VKORC1L1: variants seen among roughly 807,000 people sequenced by gnomAD.
VKORC1L1 encodes the protein vitamin K epoxide reductase complex subunit 1-like protein 1.
Under a neutral mutation model 18.9 loss-of-function variants are expected in VKORC1L1, and 2 were observed. That is an observed-to-expected ratio of 0.11 (90% CI 0.04 to 0.33). The LOEUF (loss-of-function observed/expected upper bound fraction) is 0.33, where lower values mean the gene tolerates loss of function less well. VKORC1L1 is among the 10% of genes least tolerant of loss of function. The pLI is 1.00. For missense variants in VKORC1L1, 123 were observed against 224.1 expected (o/e 0.55, Z 2.88); for synonymous variants, 96 against 100.0 (o/e 0.96, Z 0.24).
chr7:65,869,057 G>A (rs1293031937), upstream of VKORC1L1, among the ~76,000 whole-genome samples: 2 of 152,194 alleles, frequency 1.3e-5, no homozygotes, highest in African/African-American at 4.8e-5. Context: ...GCTCACACCT[G>A]TAATCCCAGC....
intron 1 of VKORC1L1, among the ~76,000 whole-genome samples, chr7:65,906,762 A>G (rs1328953730): frequency 3.9e-5 from 6 of 152,160 alleles, no homozygotes; most frequent in African/African-American, 1.4e-4. Context: ...GAGATCCATA[A>G]TTCATGGTTG....
chr7:65,875,903 G>T (rs1788819572), intron 1 of VKORC1L1, among the ~76,000 whole-genome samples: 1 of 152,164 alleles, frequency 6.6e-6, no homozygotes, highest in South Asian at 2.1e-4. Context: ...GAGTCAGCAC[G>T]TGGTTTTGGA....
intron 1 of VKORC1L1, among the ~76,000 whole-genome samples, chr7:65,933,794 T>C (rs1246245818): frequency 6.6e-6 from 1 of 152,196 alleles, no homozygotes; most frequent in African/African-American, 2.4e-5. Flanking sequence ...ATTTTATCTA[T>C]TGACTTTTTA....
rs1318745050 is a variant in VKORC1L1 at position 65,955,956 on chromosome 7, A to G, written c.*1656A>G. 5.3e-5 allele frequency: 8 copies of G among 152,228 alleles called. No homozygotes were observed. The highest frequency in any genetic ancestry group is 2.9e-5 in the Non-Finnish European group (2 of 68,038). The allele number at this position is 152,228 out of a possible 1,614,324, so 9.4% of individuals were successfully genotyped here. A position where few individuals can be genotyped will look rare whatever the true frequency, so the allele number is the denominator to read the frequency against. ...TTCCAACTGACTCAGAATTGATGCA[A>G]CGTAGGTCTTCTGGCCCGAGGCAGG... On this transcript the variant is annotated 3_prime_UTR_variant, in exon 3 of 3. Transcript: ENST00000360768.
intron 1 of VKORC1L1, among the ~76,000 whole-genome samples, chr7:65,937,969 A>G (rs1172204610): frequency 7.9e-5 from 12 of 152,118 alleles, no homozygotes; most frequent in Admixed American, 7.9e-4. Flanking sequence ...GCACATTGGG[A>G]GGCTGAGGTG....
upstream of VKORC1L1, among the ~76,000 whole-genome samples, chr7:65,872,528 A>T (rs1228857198): frequency 1.3e-5 from 2 of 152,160 alleles, no homozygotes; most frequent in African/African-American, 2.4e-5. Context: ...CGGTTACGCC[A>T]TGTAGGCCAG....
intron 1 of VKORC1L1, among the ~76,000 whole-genome samples, chr7:65,885,076 A>G (rs1244466081): frequency 2.0e-5 from 3 of 152,180 alleles, no homozygotes; most frequent in Non-Finnish European, 4.4e-5. Flanking sequence ...TTGTGTAAAT[A>G]TATGTAATTT....
At chr7:65,895,574 A>G (rs979523706) in intron 1 of VKORC1L1, among the ~76,000 whole-genome samples, 1 of 146,648 alleles carries the variant, frequency 6.8e-6, no homozygotes, top group African/African-American at 2.5e-5. Context: ...CCCAATTAAT[A>G]TCTCAATAGG....
chr7:65,918,722 C>T (rs985649427), intron 1 of VKORC1L1, among the ~76,000 whole-genome samples: 2 of 152,142 alleles, frequency 1.3e-5, no homozygotes, highest in Non-Finnish European at 2.9e-5. Context: ...AAATATATGT[C>T]GTGTTAATGT....
In VKORC1L1 at chr7:65,873,513, G is replaced by T. The variant is rs768339322; in HGVS notation, c.142G>T (p.Ala48Ser). Residue 48 changes from alanine to serine, a missense_variant, in exon 1 of 3, where the codon GCC becomes TCC. Transcript: ENST00000360768. ...GAAGGAGCGGGACCCCGAGCACCGGGCCCTCTGCGACCTGGGGCCCTGGGT... is the reference window on the plus strand; with the variant it reads ...GAAGGAGCGGGACCCCGAGCACCGGTCCCTCTGCGACCTGGGGCCCTGGGT... ...REKERDPEHRALCDLGPWVKC... is the reference protein window; with the variant it reads ...REKERDPEHRSLCDLGPWVKC... The T allele has an allele frequency of 6.7e-5, 106 of 1,591,288 alleles. No individual in the cohort carries two copies. The highest frequency in any genetic ancestry group is 9.0e-5 in the Non-Finnish European group (105 of 1,171,164).
chr7:65,950,172 T>G (rs1368292646), intron 2 of VKORC1L1, among the ~76,000 whole-genome samples: 1 of 152,212 alleles, frequency 6.6e-6, no homozygotes, highest in Non-Finnish European at 1.5e-5. Context: ...TAATTTTTAC[T>G]CTTTTTAATT....
chr7:65,939,364 G>T (rs1789997888), intron 1 of VKORC1L1, among the ~76,000 whole-genome samples: 1 of 152,202 alleles, frequency 6.6e-6, no homozygotes, highest in South Asian at 2.1e-4. Context: ...TTTGGTGGAA[G>T]TGACAAGTTT....
chr7:65,866,491 T>G, the VKORC1L1 span, among the ~76,000 whole-genome samples: 31 of 152,284 alleles, frequency 2.0e-4, no homozygotes, highest in Non-Finnish European at 3.8e-4. Flanking sequence ...CTCACCACTT[T>G]TTGAATGGCC....
upstream of VKORC1L1, among the ~76,000 whole-genome samples, chr7:65,869,713 T>C (rs549408497): frequency 6.9e-6 from 1 of 144,540 alleles, no homozygotes; most frequent in East Asian, 2.1e-4. Flanking sequence ...TGCAGTGGCA[T>C]GATCATAGCT....
intron 1 of VKORC1L1, among the ~76,000 whole-genome samples, chr7:65,945,899 A>G (rs1281797329): frequency 6.6e-6 from 1 of 150,956 alleles, no homozygotes; most frequent in Non-Finnish European, 1.5e-5. Context: ...GCAGTATGCC[A>G]TTTATTTCTG....
intron 1 of VKORC1L1, among the ~76,000 whole-genome samples, chr7:65,884,600 G>A (rs7808228): frequency 4.3e-4 from 65 of 152,286 alleles, no homozygotes; most frequent in African/African-American, 1.5e-3. Flanking sequence ...TCATGCCATT[G>A]TACTTCAGCC....
chr7:65,910,436 C>G (rs764963285), intron 1 of VKORC1L1, among the ~76,000 whole-genome samples: 2 of 152,162 alleles, frequency 1.3e-5, no homozygotes, highest in African/African-American at 2.4e-5. Flanking sequence ...GGGAACTACT[C>G]CAGAATGTTT....
chr7:65,890,010 T>G (rs1385966340), intron 1 of VKORC1L1, among the ~76,000 whole-genome samples: 1 of 152,016 alleles, frequency 6.6e-6, no homozygotes, highest in Non-Finnish European at 1.5e-5. Context: ...CGGGCTGGAG[T>G]ACAATGGCAT....
At chr7:65,929,542 T>C (rs1022970875) in intron 1 of VKORC1L1, among the ~76,000 whole-genome samples, 2 of 152,066 alleles carry the variant, frequency 1.3e-5, no homozygotes, top group Non-Finnish European at 2.9e-5. Context: ...GAAGTTAGTA[T>C]GTGTTCACCA....
Sources: allele counts gnomAD v4.1 joint callset (sites outside exome capture counted in the v4.1 genomes callset), GRCh38; gene constraint gnomAD v4.1.1; transcripts MANE v1.5; gene names NCBI Gene and HGNC (gene_info 2026-07-23, HGNC 2026-07-21).